Variants in TYR observed in about 807,000 individuals in gnomAD.
The protein encoded by TYR is tyrosinase.
TYR carries 58 observed loss-of-function variants against 51.5 expected under a neutral mutation model. The observed-to-expected ratio is 1.13, with a 90% CI of 0.91 to 1.40. TYR has a LOEUF of 1.40. Among genes scored for constraint, TYR ranks in the 40% most tolerant of loss-of-function variants. TYR has a pLI of 0.00. For missense variants in TYR, 732 were observed against 647.4 expected (o/e 1.13, Z -1.42); for synonymous variants, 263 against 235.2 (o/e 1.12, Z -1.08).
At chr11:89,242,941 A>T (rs1370882192) in intron 3 of TYR, among the ~76,000 whole-genome samples, 1 of 152,192 alleles carries the variant, frequency 6.6e-6, no homozygotes, top group Non-Finnish European at 1.5e-5. Flanking sequence ...TAACCACTCA[A>T]TCATGGAGCC....
At chr11:89,251,138 T>G (rs910665298) in intron 3 of TYR, among the ~76,000 whole-genome samples, 8 of 152,006 alleles carry the variant, frequency 5.3e-5, no homozygotes, top group Middle Eastern at 3.4e-3. Flanking sequence ...CTATAAAACA[T>G]ATGGGTTTAA....
At chr11:89,189,828 C>A (rs1422176307) in intron 1 of TYR, among the ~76,000 whole-genome samples, 1 of 152,084 alleles carries the variant, frequency 6.6e-6, no homozygotes, top group East Asian at 1.9e-4. Context: ...ACTTTTATGG[C>A]TCATTCTGTA....
Position 89,245,766 on chromosome 11 carries a change from C to CA in TYR, c.1184+17802dup, listed in dbSNP as rs1476691557. Among the ~76,000 whole-genome samples, 8 of 151,862 alleles carry CA rather than the reference C, an allele frequency of 5.3e-5. No individual in the cohort carries two copies. The East Asian group carries it at 1.6e-3, about 30-fold the overall frequency. Reference sequence around the variant, plus strand: ...TGAAACTCGGTCTCTACTAAAAATACAAAAAATTAGCTGGGCTTGGTGGTG... The same window carrying CA: ...TGAAACTCGGTCTCTACTAAAAATACAAAAAAATTAGCTGGGCTTGGTGGTG... On this transcript the variant is annotated intron_variant, in intron 3 of 4. Coordinates refer to ENST00000263321, the MANE Select transcript of TYR (RefSeq NM_000372.5).
At chr11:89,273,827 TC>T (rs528131261) in intron 3 of TYR, among the ~76,000 whole-genome samples, 305 of 151,978 alleles carry the variant, frequency 2.0e-3, no homozygotes, top group African/African-American at 7.1e-3. Context: ...TAAGGCTTCT[TC>T]CCTTGACTTG....
rs62645906 is a variant in TYR, at chr11:89,191,397, A to C, written c.1015A>C (p.Ser339Arg). 6.2e-7 allele frequency: 1 copy of C among 1,613,596 alleles called. No homozygotes were observed. Among genetic ancestry groups the C allele is most frequent in the Middle Eastern group, 1.7e-4 (1 of 6,054 alleles). Reference protein sequence around the residue: ...SGSMDKAANFSFRNTLEGFAS... With the variant: ...SGSMDKAANFRFRNTLEGFAS... Reference sequence around the variant, plus strand: ...TTCCATGGATAAAGCTGCCAATTTCAGCTTTAGAAATACACTGGAAGGTAA... The same window carrying C: ...TTCCATGGATAAAGCTGCCAATTTCCGCTTTAGAAATACACTGGAAGGTAA... The change falls in exon 2 of 5, where the codon AGC becomes CGC. Residue 339 changes from serine (S) to arginine (R), a missense_variant. Physicochemically the swap from Ser to Arg is moderately radical, Grantham distance 110 (BLOSUM62 -1). Transcript: ENST00000263321.
At chr11:89,221,319 T>C (rs560435132) in intron 2 of TYR, among the ~76,000 whole-genome samples, 73 of 152,340 alleles carry the variant, frequency 4.8e-4, no homozygotes, top group African/African-American at 1.5e-3. Flanking sequence ...GAAACACTCA[T>C]GCACCACTTC....
intron 2 of TYR, among the ~76,000 whole-genome samples, chr11:89,205,412 C>T (rs376999152): frequency 2.6e-5 from 4 of 152,018 alleles, no homozygotes; most frequent in South Asian, 4.1e-4. Context: ...CAGAGTTAAA[C>T]CCAATTTAAT....
chr11:89,244,477 G>T (rs2135294076), intron 3 of TYR, among the ~76,000 whole-genome samples: 2 of 152,130 alleles, frequency 1.3e-5, no homozygotes, highest in South Asian at 2.1e-4. Context: ...TTCTCCTTTT[G>T]GTAATTCTCT....
chr11:89,195,902 A>AT (rs889617273), intron 2 of TYR, among the ~76,000 whole-genome samples: 1 of 150,004 alleles, frequency 6.7e-6, no homozygotes, highest in African/African-American at 2.4e-5. Flanking sequence ...TCTTTTATTT[A>AT]TTTTTTTAAT....
intron 1 of TYR, among the ~76,000 whole-genome samples, chr11:89,190,116 C>A (rs1193654385): frequency 3.3e-5 from 5 of 152,096 alleles, no homozygotes; most frequent in Admixed American, 3.3e-4. Flanking sequence ...TAATAAACAA[C>A]TATGTTACTG....
At chr11:89,244,339 T>G in intron 3 of TYR, among the ~76,000 whole-genome samples, 1 of 151,838 alleles carries the variant, frequency 6.6e-6, no homozygotes, top group East Asian at 1.9e-4. Flanking sequence ...CCTGCATTTT[T>G]CCTGACATAC....
Position 89,213,190 on chromosome 11 carries a change from A to G in TYR, c.1037-14633A>G, listed in dbSNP as rs975097772. On this transcript the variant is annotated intron_variant, in intron 2 of 4. Transcript: ENST00000263321. ...TATGATTGTATATTTAGAAAACCCC[A>G]TTGTCTCAGCCCAAAATCTCCTTAA... Among the ~76,000 whole-genome samples, 4 of 152,166 alleles carry G rather than the reference A, an allele frequency of 2.6e-5. No individual in the cohort carries two copies. In the South Asian group the frequency reaches 8.3e-4, roughly 32 times the overall value.
Position 89,293,178 on chromosome 11 carries a change from T to C in TYR, c.1367-1965T>C, listed in dbSNP as rs192819423. 2.3e-3 allele frequency among the ~76,000 whole-genome samples: 351 copies of C among 152,272 alleles called. 3 individuals are homozygous for C. Among genetic ancestry groups the C allele is most frequent in the African/African-American group, 7.9e-3 (327 of 41,578 alleles). On this transcript the variant is annotated intron_variant, in intron 4 of 4. Coordinates refer to ENST00000263321, the MANE Select transcript of TYR (RefSeq NM_000372.5). Reference sequence around the variant, plus strand: ...ATAGAATCATCTGTTTTATTTGAAATGTATGGCTTCAGGAAAATTTTGAAT... The same window carrying C: ...ATAGAATCATCTGTTTTATTTGAAACGTATGGCTTCAGGAAAATTTTGAAT...
At chr11:89,191,083 T>C in intron 1 of TYR, 119 bp from the exon 2 acceptor site, 2 of 858,746 alleles carry the variant, frequency 2.3e-6, no homozygotes, top group South Asian at 1.5e-5. Context: ...AGACACATGA[T>C]TGTAGTAATC....
chr11:89,178,771 A>G lies in TYR; in HGVS notation c.818A>G (p.Gln273Arg). The change falls in exon 1 of 5, where the codon CAG becomes CGG. Residue 273 changes from glutamine (Q) to arginine (R), a missense_variant and splice_region_variant. Physicochemically the swap from Gln to Arg is conservative, Grantham distance 43. Coordinates refer to ENST00000263321, the MANE Select transcript of TYR (RefSeq NM_000372.5). ...LSPASFFSSWQIVCSRLEEYN... is the reference protein window; with the variant it reads ...LSPASFFSSWRIVCSRLEEYN... The stretch of plus-strand genomic sequence containing the variant: ...CCAGCATCATTCTTCTCCTCTTGGC[A>G]GGTAAGATATGCTAGATATACGATG... 6.2e-7 allele frequency: 1 copy of G among 1,614,084 alleles called. No homozygotes were observed. The highest frequency in any genetic ancestry group is 8.5e-7 in the Non-Finnish European group (1 of 1,180,010).
In TYR at chr11:89,284,789, C is replaced by T. The variant is rs780712182; in HGVS notation, c.1201C>T (p.Leu401Phe). The T allele has an allele frequency of 6.2e-7, 1 of 1,611,644 alleles. No individual in the cohort carries two copies. The highest frequency in any genetic ancestry group is 2.2e-5 in the East Asian group (1 of 44,798). Residue 401 changes from leucine (L) to phenylalanine (F), a missense_variant, in exon 4 of 5, where the codon CTC becomes TTC. Leu to Phe is a conservative substitution (Grantham distance 22). Coordinates refer to ENST00000263321, the MANE Select transcript of TYR (RefSeq NM_000372.5). Reference sequence around the variant, plus strand: ...CCTCTGCAGTATTTTTGAGCAGTGGCTCCGAAGGCACCGTCCTCTTCAAGA... The same window carrying T: ...CCTCTGCAGTATTTTTGAGCAGTGGTTCCGAAGGCACCGTCCTCTTCAAGA... ...AFVDSIFEQW[L>F]RRHRPLQEVY...
intron 4 of TYR, among the ~76,000 whole-genome samples, chr11:89,288,288 T>C (rs1158270439): frequency 6.6e-6 from 1 of 152,000 alleles, no homozygotes; most frequent in Non-Finnish European, 1.5e-5. Context: ...CTCAGAAAGA[T>C]AAAGTGATTA....
intron 2 of TYR, among the ~76,000 whole-genome samples, chr11:89,213,949 G>T (rs958695278): frequency 2.0e-5 from 3 of 152,166 alleles, no homozygotes; most frequent in Non-Finnish European, 4.4e-5. Flanking sequence ...ACTCAATATG[G>T]ATTAAAGACT....
intron 3 of TYR, among the ~76,000 whole-genome samples, chr11:89,265,723 T>C (rs1191520369): frequency 6.6e-6 from 1 of 152,036 alleles, no homozygotes; most frequent in African/African-American, 2.4e-5. Context: ...CTTTTCTCCA[T>C]GTTATCTCCC....
Sources: allele counts gnomAD v4.1 joint callset (sites outside exome capture counted in the v4.1 genomes callset), GRCh38; gene constraint gnomAD v4.1.1; transcripts MANE v1.5; gene names NCBI Gene and HGNC (gene_info 2026-07-23, HGNC 2026-07-21).